The following SLC17A8 variants were observed in gnomAD, a reference collection of about 807,000 sequenced individuals.
SLC17A8 encodes the protein vesicular glutamate transporter 3.
Under a neutral mutation model 58.0 loss-of-function variants are expected in SLC17A8, and 31 were observed. The observed-to-expected ratio is 0.53, with a 90% CI of 0.40 to 0.72. The LOEUF is 0.72. Among genes scored for constraint, SLC17A8 ranks in the 30% least tolerant of loss-of-function variants. The pLI is 0.00. For missense variants in SLC17A8, 655 were observed against 727.8 expected (o/e 0.90, Z 1.15); for synonymous variants, 228 against 249.0 (o/e 0.92, Z 0.79).
At chr12:100,360,683 GT>G (rs768468058) in intron 1 of SLC17A8, among the ~76,000 whole-genome samples, 47 of 152,190 alleles carry the variant, frequency 3.1e-4, no homozygotes, top group Admixed American at 1.9e-3. Context: ...GAAGAGCTAG[GT>G]TTCAAACCAG....
At chr12:100,398,235 T>C (rs958149585) in intron 5 of SLC17A8, among the ~76,000 whole-genome samples, 4 of 152,202 alleles carry the variant, frequency 2.6e-5, no homozygotes, top group Non-Finnish European at 5.9e-5. Flanking sequence ...TCAGCTGAGA[T>C]GTCTTTACAT....
At chr12:100,385,616 C>T (rs748277926) in intron 2 of SLC17A8, among the ~76,000 whole-genome samples, 12 of 152,134 alleles carry the variant, frequency 7.9e-5, no homozygotes, top group Non-Finnish European at 1.5e-4. Flanking sequence ...GGGGAAGGTG[C>T]AATCCTCTCA....
chr12:100,396,278 C>A, intron 4 of SLC17A8, 52 bp from the exon 5 acceptor site: 1 of 1,416,792 alleles, frequency 7.1e-7, no homozygotes, highest in Non-Finnish European at 1.0e-6. Context: ...ATTTTAAACA[C>A]AAGCAGAAAC....
At chr12:100,374,004 G>A (rs1390334363) in intron 1 of SLC17A8, among the ~76,000 whole-genome samples, 2 of 152,180 alleles carry the variant, frequency 1.3e-5, no homozygotes, top group Non-Finnish European at 2.9e-5. Flanking sequence ...ACCAGGGATG[G>A]CAGAGACCCT....
At chr12:100,417,894 C>T in intron 10 of SLC17A8, 135 bp from the exon 11 acceptor site, 1 of 1,051,024 alleles carries the variant, frequency 9.5e-7, no homozygotes, top group Non-Finnish European at 1.5e-6. Flanking sequence ...GAACCCAGTC[C>T]TCTTGGTCTG....
Position 100,380,757 on chromosome 12 carries a change from G to T in SLC17A8, c.158G>T (p.Arg53Met), listed in dbSNP as rs747954926. 2.5e-6 allele frequency: 4 copies of T among 1,614,130 alleles called. No individual in the cohort carries two copies. The highest frequency in any genetic ancestry group is 2.2e-5 in the South Asian group (2 of 91,086). The change falls in exon 2 of 12, where the codon AGG becomes ATG. Residue 53 changes from arginine (R) to methionine (M), a missense_variant. Transcript: ENST00000323346. ...EDNIELNEEG[R>M]PVQTSRPSPP... is the part of the protein sequence containing the mutation. ...AACATTGAGCTGAATGAAGAAGGAA[G>T]GCCGGTGCAGACGTCCAGGCCAAGC... is the stretch of plus-strand genomic sequence containing the variant.
chr12:100,419,497 C>G (rs1396388707), intron 11 of SLC17A8, among the ~76,000 whole-genome samples: 1 of 149,782 alleles, frequency 6.7e-6, no homozygotes, highest in Non-Finnish European at 1.5e-5. Flanking sequence ...CGCGCCACTG[C>G]ACTCTAGCCT....
chr12:100,396,748 T>TAAAAAGA lies in SLC17A8; in HGVS notation c.676+348_676+354dup, dbSNP rs574066656. On this transcript the variant is annotated intron_variant, in intron 5 of 11. Coordinates refer to ENST00000323346, the MANE Select transcript of SLC17A8 (RefSeq NM_139319.3). ...GAGTGACAGAGTGAGACCTTGTATC[T>TAAAAAGA]AAAAAGAAAAAAGAAAAAAGAAATG... is the stretch of plus-strand genomic sequence containing the variant. Among the ~76,000 whole-genome samples, 925 of 151,860 alleles carry TAAAAAGA rather than the reference T, an allele frequency of 6.1e-3. 8 individuals carry two copies. The highest frequency in any genetic ancestry group is 0.021 in the African/African-American group (869 of 41,400).
chr12:100,407,895 C>T (rs1228492666), intron 9 of SLC17A8, among the ~76,000 whole-genome samples: 7 of 152,108 alleles, frequency 4.6e-5, no homozygotes, highest in South Asian at 4.1e-4. Flanking sequence ...CATGAGCCAC[C>T]GTGCCCGGCC....
intron 5 of SLC17A8, among the ~76,000 whole-genome samples, chr12:100,401,207 C>A (rs1952788758): frequency 6.6e-6 from 1 of 151,810 alleles, no homozygotes; most frequent in Non-Finnish European, 1.5e-5. Flanking sequence ...CTATGTTGAC[C>A]AGGCTGGTCT....
intron 1 of SLC17A8, 133 bp downstream of exon 1, chr12:100,357,625 C>A: frequency 1.4e-6 from 1 of 697,388 alleles, no homozygotes; most frequent in Non-Finnish European, 2.6e-6. Flanking sequence ...CCTTCTGGAG[C>A]CCCTTCTAGC....
intron 10 of SLC17A8, among the ~76,000 whole-genome samples, chr12:100,415,828 G>A (rs910449104): frequency 3.3e-5 from 5 of 152,216 alleles, no homozygotes; most frequent in African/African-American, 1.2e-4. Flanking sequence ...AAACCAAAGT[G>A]TGGTTTAACT....
intron 8 of SLC17A8, among the ~76,000 whole-genome samples, chr12:100,403,460 C>G (rs112199196): frequency 2.7e-5 from 4 of 149,812 alleles, no homozygotes; most frequent in African/African-American, 9.9e-5. Flanking sequence ...CAGAGCAAGA[C>G]TCTGTCTAAA....
At chr12:100,373,521 G>A (rs1952572956) in intron 1 of SLC17A8, among the ~76,000 whole-genome samples, 1 of 150,866 alleles carries the variant, frequency 6.6e-6, no homozygotes, top group Admixed American at 6.6e-5. Context: ...AAGATGAGTT[G>A]GAAATGGTCC....
rs961967365 is a variant in SLC17A8, at chr12:100,401,964, C to T, written c.763+101C>T. On this transcript the variant is annotated intron_variant, in intron 6 of 11. Coordinates refer to ENST00000323346, the MANE Select transcript of SLC17A8 (RefSeq NM_139319.3). ...GTTCATTACATCAAAATAGAGATTA[C>T]TAAAACAAGTTTATTGTATAAATGG... is the stretch of plus-strand genomic sequence containing the variant. 2.0e-5 allele frequency: 18 copies of T among 908,094 alleles called. No homozygotes were observed. In the Admixed American group the frequency reaches 3.1e-4, roughly 15 times the overall value. The allele number at this position is 908,094 out of a possible 1,614,324, so 56.3% of individuals were successfully genotyped here.
intron 1 of SLC17A8, among the ~76,000 whole-genome samples, chr12:100,365,253 T>C (rs1462117406): frequency 1.3e-5 from 2 of 152,164 alleles, no homozygotes; most frequent in East Asian, 1.9e-4. Flanking sequence ...TAACATGCCA[T>C]GAGATGTTTT....
chr12:100,392,816 T>G (rs1952726143), intron 3 of SLC17A8, among the ~76,000 whole-genome samples: 1 of 152,174 alleles, frequency 6.6e-6, no homozygotes, highest in Non-Finnish European at 1.5e-5. Flanking sequence ...ACAATGCTTC[T>G]TGGATAGTCA....
intron 1 of SLC17A8, among the ~76,000 whole-genome samples, chr12:100,366,050 C>CTT (rs67071341): frequency 3.1e-4 from 28 of 90,852 alleles, no homozygotes; most frequent in African/African-American, 5.5e-4. Context: ...GTGATCCCTT[C>CTT]TTTTTTTTTT....
At chr12:100,371,051 G>A (rs1952555663) in intron 1 of SLC17A8, among the ~76,000 whole-genome samples, 1 of 152,128 alleles carries the variant, frequency 6.6e-6, no homozygotes, top group Non-Finnish European at 1.5e-5. Flanking sequence ...TTTTGAATGT[G>A]GTGTGCTGAA....
Sources: allele counts gnomAD v4.1 joint callset (sites outside exome capture counted in the v4.1 genomes callset), GRCh38; gene constraint gnomAD v4.1.1; transcripts MANE v1.5; gene names NCBI Gene and HGNC (gene_info 2026-07-23, HGNC 2026-07-21).